The following DLG2 variants were observed in gnomAD, a reference collection of about 807,000 sequenced individuals.
DLG2 encodes the protein disks large homolog 2.
In DLG2, 45 loss-of-function variants were observed where a neutral mutation model predicts 132.5. That is an observed-to-expected ratio of 0.34 (90% CI 0.27 to 0.44). The LOEUF (loss-of-function observed/expected upper bound fraction) is 0.44, where lower values mean the gene tolerates loss of function less well. Among genes scored for constraint, DLG2 ranks in the 20% least tolerant of loss-of-function variants. DLG2 has a pLI of 1.00. For synonymous variants in DLG2, 424 were observed against 419.6 expected (o/e 1.01, Z -0.13); for missense variants, 1,045 against 1,196.9 (o/e 0.87, Z 1.87).
chr11:84,302,191 C>G (rs980902671), intron 7 of DLG2, among the ~76,000 whole-genome samples: 3 of 151,990 alleles, frequency 2.0e-5, no homozygotes, highest in Admixed American at 2.0e-4. Flanking sequence ...CACACTGAGG[C>G]CTGCTGGGGT....
chr11:85,220,419 T>TA (rs1297769362), intron 4 of DLG2, among the ~76,000 whole-genome samples: 1 of 151,656 alleles, frequency 6.6e-6, no homozygotes, highest in Non-Finnish European at 1.5e-5. Flanking sequence ...CCTGGGGAGT[T>TA]AGAGATAAGC....
At chr11:84,704,248 T>G (rs1051754857) in intron 6 of DLG2, among the ~76,000 whole-genome samples, 2 of 151,502 alleles carry the variant, frequency 1.3e-5, no homozygotes, top group African/African-American at 4.8e-5. Context: ...ACACTCTATG[T>G]TCACAGATGC....
intron 6 of DLG2, among the ~76,000 whole-genome samples, chr11:84,976,643 G>T (rs2054949072): frequency 6.6e-6 from 1 of 151,922 alleles, no homozygotes; most frequent in Admixed American, 6.6e-5. Context: ...TTATGTATTT[G>T]CTTCCTTTAC....
At chr11:84,165,448 T>C (rs1287200143) in intron 8 of DLG2, among the ~76,000 whole-genome samples, 1 of 152,206 alleles carries the variant, frequency 6.6e-6, no homozygotes, top group Admixed American at 6.5e-5. Context: ...ATTCCAAAGT[T>C]CCTTAGTCAG....
chr11:83,682,480 C>G (rs1219588902), intron 18 of DLG2: 1 of 974,314 alleles, frequency 1.0e-6, no homozygotes, highest in Non-Finnish European at 1.2e-6. Context: ...CACTATTAAC[C>G]AATAAGATGC....
At chr11:85,501,676 C>T (rs937782081) in intron 3 of DLG2, among the ~76,000 whole-genome samples, 10 of 152,222 alleles carry the variant, frequency 6.6e-5, no homozygotes, top group African/African-American at 2.4e-4. Context: ...AAATGCTCAT[C>T]ATCTCTGGTC....
In DLG2 at chr11:84,856,362, G is replaced by A. The variant is rs138125929; in HGVS notation, c.357+255299C>T. ...TGGGTCCCATTAGCATGGAAGAGAA[G>A]GAGATATCATGCAGGTTCCCTTCAG... On this transcript the variant is annotated intron_variant, in intron 6 of 27. Coordinates refer to ENST00000376104, the MANE Select transcript of DLG2 (RefSeq NM_001142699.3). Among the ~76,000 whole-genome samples, 413 of 152,140 alleles carry A rather than the reference G, an allele frequency of 2.7e-3. 1 individual carries two copies. Among genetic ancestry groups the A allele is most frequent in the Non-Finnish European group, 4.3e-3 (289 of 67,972 alleles).
At chr11:85,615,459 G>A (rs1182370197) in intron 2 of DLG2, among the ~76,000 whole-genome samples, 1 of 152,018 alleles carries the variant, frequency 6.6e-6, no homozygotes, top group African/African-American at 2.4e-5. Flanking sequence ...AGAGGTTGCA[G>A]TGAGCTGAGA....
intron 21 of DLG2, among the ~76,000 whole-genome samples, chr11:83,513,165 C>A (rs1194740557): frequency 6.6e-6 from 1 of 152,170 alleles, no homozygotes; most frequent in Non-Finnish European, 1.5e-5. Context: ...TAAAAGTGTT[C>A]CTATTTCTCC....
At chr11:84,908,442 C>T (rs571196291) in intron 6 of DLG2, among the ~76,000 whole-genome samples, 54 of 152,100 alleles carry the variant, frequency 3.6e-4, no homozygotes, top group Non-Finnish European at 6.8e-4. Flanking sequence ...TCAGACAGTA[C>T]GACTCAAGTG....
chr11:83,629,723 A>T (rs932778968), intron 19 of DLG2, among the ~76,000 whole-genome samples: 1 of 152,074 alleles, frequency 6.6e-6, no homozygotes. Context: ...GAGTAGGGAG[A>T]TCTTCATGAG....
intron 6 of DLG2, among the ~76,000 whole-genome samples, chr11:84,871,522 T>C (rs980046271): frequency 1.3e-5 from 2 of 152,100 alleles, no homozygotes; most frequent in African/African-American, 4.8e-5. Flanking sequence ...GAGGAAACCA[T>C]AAGATTGTTG....
intron 3 of DLG2, among the ~76,000 whole-genome samples, chr11:85,464,939 T>C (rs761257213): frequency 3.4e-4 from 52 of 151,164 alleles, no homozygotes; most frequent in Admixed American, 2.0e-3. Context: ...CTGGGCATGG[T>C]CACAGGAACT....
chr11:83,965,573 C>T (rs1349863817), intron 12 of DLG2, 105 bp from the exon 13 acceptor site: 1 of 906,298 alleles, frequency 1.1e-6, no homozygotes, highest in Admixed American at 2.5e-5. Context: ...AATTACTGTC[C>T]AGTATCCTTG....
chr11:84,370,012 C>T (rs1300688769), intron 7 of DLG2, among the ~76,000 whole-genome samples: 2 of 152,024 alleles, frequency 1.3e-5, no homozygotes, highest in Admixed American at 1.3e-4. Context: ...ACTAAAACAC[C>T]ACAAATGAAC....
At chr11:83,818,509 C>T (rs1256384357) in intron 17 of DLG2, among the ~76,000 whole-genome samples, 1 of 152,016 alleles carries the variant, frequency 6.6e-6, no homozygotes, top group Non-Finnish European at 1.5e-5. Flanking sequence ...TATAAGCATC[C>T]CAAGGACATG....
chr11:85,354,012 A>T (rs986064831), intron 3 of DLG2, among the ~76,000 whole-genome samples: 10 of 135,620 alleles, frequency 7.4e-5, no homozygotes, highest in African/African-American at 1.5e-4. Flanking sequence ...ATTCCTTAAT[A>T]AAAAAAAAAA....
rs11826808 is a variant in DLG2, at chr11:84,265,228, T to A, written c.520-13937A>T. Among the ~76,000 whole-genome samples the A allele has an allele frequency of 9.1e-4, 138 of 152,316 alleles. 1 individual carries two copies. The highest frequency in any genetic ancestry group is 2.7e-3 in the African/African-American group (112 of 41,572). Reference sequence around the variant, plus strand: ...ATTATGCAATTTGTAAATGTATATATTTGGGAAAATATTTAAAAATTTGCA... The same window carrying A: ...ATTATGCAATTTGTAAATGTATATAATTGGGAAAATATTTAAAAATTTGCA... On this transcript the variant is annotated intron_variant, in intron 7 of 27. Transcript: ENST00000376104.
intron 6 of DLG2, among the ~76,000 whole-genome samples, chr11:85,027,843 C>A (rs1429058014): frequency 6.6e-6 from 1 of 152,182 alleles, no homozygotes; most frequent in African/African-American, 2.4e-5. Flanking sequence ...GTCTGGGATC[C>A]CTGAAGGGCT....
Sources: gnomAD v4.1 joint callset for allele counts (sites outside exome capture counted in the v4.1 genomes callset) on GRCh38, gnomAD v4.1.1 for gene constraint, MANE v1.5 for transcripts, NCBI Gene and HGNC (gene_info 2026-07-23, HGNC 2026-07-21) for gene names.